The following PCDH11Y variants were observed in gnomAD, a reference collection of about 807,000 sequenced individuals.
The protein encoded by PCDH11Y is protocadherin 11 Y-linked.
For missense variants in PCDH11Y, 12 were observed against 224.8 expected (o/e 0.05, Z 6.05); for synonymous variants, 9 against 83.6 (o/e 0.11, Z 4.87).
At chrY:5,591,795 T>A in intron 4 of PCDH11Y, among the ~76,000 whole-genome samples, 1 of 33,507 alleles carries the variant, frequency 3.0e-5, no homozygotes, top group Non-Finnish European at 7.4e-5. Flanking sequence ...TACCCAAAAG[T>A]CATTCACAAC....
intron 3 of PCDH11Y, among the ~76,000 whole-genome samples, chrY:5,535,225 C>CT (rs1602939534): frequency 6.0e-4 from 14 of 23,482 alleles, no homozygotes; most frequent in East Asian, 2.2e-3. Flanking sequence ...TTTCTTTTTT[C>CT]TTTTTTTTTT....
chrY:5,342,534 C>T, intron 2 of PCDH11Y, among the ~76,000 whole-genome samples: 1 of 33,433 alleles, frequency 3.0e-5, no homozygotes, highest in Non-Finnish European at 7.4e-5. Flanking sequence ...GAAATTAGAG[C>T]CGGGCTGTAT....
At chrY:5,163,212 G>GA (rs35433740) in intron 2 of PCDH11Y, among the ~76,000 whole-genome samples, 6 of 28,347 alleles carry the variant, frequency 2.1e-4, no homozygotes, top group African/African-American at 4.1e-4. Flanking sequence ...AGTGCTGAAA[G>GA]AAAAAAAAAA....
intron 2 of PCDH11Y, among the ~76,000 whole-genome samples, chrY:5,474,530 A>G (rs2053316710): frequency 3.2e-5 from 1 of 31,269 alleles, no homozygotes; most frequent in African/African-American, 1.2e-4. Context: ...TTGTCTATTT[A>G]TCTGTCTTTA....
chrY:5,091,555 C>T, intron 1 of PCDH11Y, among the ~76,000 whole-genome samples: 2 of 33,172 alleles, frequency 6.0e-5, no homozygotes, highest in Non-Finnish European at 1.5e-4. Context: ...TCACTGTTCT[C>T]GTGGATATAA....
intron 2 of PCDH11Y, among the ~76,000 whole-genome samples, chrY:5,148,085 T>C (rs2052859855): frequency 3.0e-5 from 1 of 33,832 alleles, no homozygotes; most frequent in African/African-American, 1.1e-4. Flanking sequence ...AACATTGTCT[T>C]TGTTAAATCA....
intron 2 of PCDH11Y, among the ~76,000 whole-genome samples, chrY:5,391,941 A>G (rs2053221652): frequency 6.0e-5 from 2 of 33,337 alleles, no homozygotes; most frequent in African/African-American, 2.4e-4. Context: ...ATTATATTCT[A>G]TAATTTTACT....
At chrY:5,221,621 C>T (rs2052954781) in intron 2 of PCDH11Y, among the ~76,000 whole-genome samples, 1 of 25,731 alleles carries the variant, frequency 3.9e-5, no homozygotes, top group Admixed American at 3.9e-4. Flanking sequence ...TATAAATTCG[C>T]AACTGGTATT....
intron 1 of PCDH11Y, among the ~76,000 whole-genome samples, chrY:5,078,674 C>T: frequency 3.1e-5 from 1 of 32,624 alleles, no homozygotes; most frequent in Non-Finnish European, 7.5e-5. Flanking sequence ...AAGAACAGCA[C>T]AAGAAAGAAA....
chrY:5,586,923 T>C (rs2053456885), intron 4 of PCDH11Y, among the ~76,000 whole-genome samples: 1 of 33,101 alleles, frequency 3.0e-5, no homozygotes, highest in Non-Finnish European at 7.5e-5. Context: ...TTGTTTTGAT[T>C]TCATTGATTT....
At chrY:5,599,814 T>A in intron 4 of PCDH11Y, among the ~76,000 whole-genome samples, 1 of 33,324 alleles carries the variant, frequency 3.0e-5, no homozygotes, top group African/African-American at 1.2e-4. Context: ...CAAATATTGA[T>A]ATAAGCAAAT....
chrY:5,401,662 T>C, intron 2 of PCDH11Y, among the ~76,000 whole-genome samples: 2 of 32,645 alleles, frequency 6.1e-5, no homozygotes, highest in Non-Finnish European at 7.5e-5. Context: ...AGTGTTCTCA[T>C]TGCTCAACTC....
rs2124703354 is a variant in PCDH11Y, at chrY:5,627,971, G to T, written c.3352+46173G>T. Among the ~76,000 whole-genome samples the T allele has an allele frequency of 1.2e-4, 4 of 32,470 alleles. No homozygotes were observed. The South Asian group carries it at 2.7e-3, about 22-fold the overall frequency. 87.1% of individuals were successfully genotyped at this position (32,470 alleles called of 37,273 possible). A position where few individuals can be genotyped will look rare whatever the true frequency, so the allele number is the denominator to read the frequency against. On this transcript the variant is annotated intron_variant, in intron 4 of 4. Transcript: ENST00000400457. The stretch of plus-strand genomic sequence containing the variant: ...ATGCAATTTTCTTATTTAATATTAA[G>T]ATCATAAAAATTAATTTTAAAAGCT...
chrY:5,283,203 G>A (rs2053056258), intron 2 of PCDH11Y, among the ~76,000 whole-genome samples: 2 of 33,017 alleles, frequency 6.1e-5, no homozygotes, highest in Admixed American at 5.6e-4. Context: ...AAATAGTTAT[G>A]TGCTCATAAA....
At chrY:5,637,267 G>C (rs2053518690) in intron 4 of PCDH11Y, among the ~76,000 whole-genome samples, 1 of 33,667 alleles carries the variant, frequency 3.0e-5, no homozygotes, top group Non-Finnish European at 7.4e-5. Context: ...AAGCAAACCA[G>C]TATGTAAAAA....
intron 4 of PCDH11Y, among the ~76,000 whole-genome samples, chrY:5,597,013 C>T: frequency 9.4e-5 from 3 of 32,059 alleles, no homozygotes; most frequent in African/African-American, 2.4e-4. Context: ...ATTCATTTAA[C>T]GTAAATATGT....
At chrY:5,029,532 A>G in intron 1 of PCDH11Y, among the ~76,000 whole-genome samples, 1 of 33,138 alleles carries the variant, frequency 3.0e-5, no homozygotes, top group African/African-American at 1.2e-4. Context: ...TCAAAATAAT[A>G]AACGTTAATC....
At chrY:5,514,786 T>G in intron 3 of PCDH11Y, among the ~76,000 whole-genome samples, 3 of 33,396 alleles carry the variant, frequency 9.0e-5, no homozygotes, top group Admixed American at 5.5e-4. Context: ...TTCTTTACAA[T>G]GGCTGTATTA....
intron 2 of PCDH11Y, among the ~76,000 whole-genome samples, chrY:5,440,348 G>A: frequency 6.3e-5 from 2 of 31,705 alleles, no homozygotes; most frequent in African/African-American, 2.5e-4. Context: ...TCTCCATGTG[G>A]AGTAGTTTGG....
Sources: gnomAD v4.1 joint callset for allele counts (sites outside exome capture counted in the v4.1 genomes callset) on GRCh38, gnomAD v4.1.1 for gene constraint, MANE v1.5 for transcripts, NCBI Gene and HGNC (gene_info 2026-07-23, HGNC 2026-07-21) for gene names.